Variants in SCNN1B observed in about 807,000 individuals in gnomAD.
SCNN1B encodes the protein sodium channel epithelial 1 subunit beta.
A neutral mutation model predicts 65.3 loss-of-function variants in SCNN1B; 46 were observed. The ratio of observed to expected loss-of-function variants is 0.70; its 90% CI spans 0.56 to 0.90. The LOEUF is 0.90. Ranked by LOEUF, SCNN1B falls within the 40% of genes least tolerant of loss-of-function variation. The pLI, the probability that SCNN1B is intolerant of heterozygous loss-of-function variation, is 0.00. For synonymous variants in SCNN1B, 349 were observed against 330.6 expected (o/e 1.06, Z -0.60); for missense variants, 751 against 830.5 (o/e 0.90, Z 1.18).
intron 2 of SCNN1B, among the ~76,000 whole-genome samples, chr16:23,292,296 C>T (rs1166184717): frequency 1.3e-5 from 2 of 151,208 alleles, no homozygotes; most frequent in Non-Finnish European, 2.9e-5. Context: ...AGGGTTCATG[C>T]CATTCTCCCA....
rs776021299 is a variant in SCNN1B at position 23,380,486 on chromosome 16, C to T, written c.1608C>T (p.Cys536=). 5 of 1,614,244 alleles carry T rather than the reference C, an allele frequency of 3.1e-6. No homozygotes were observed. Among genetic ancestry groups the T allele is most frequent in the Non-Finnish European group, 4.2e-6 (5 of 1,180,032 alleles). ...TCTGGATGGGGGGCTCTGTGCTGTG[C>T]CTCATCGAGTTTGGGGAGATCATCA... is the stretch of plus-strand genomic sequence containing the variant. ...FGFWMGGSVL[C]LIEFGEIIID... Residue 536 remains cysteine (C), a synonymous_variant, in exon 13 of 13, where the codon TGC becomes TGT. Coordinates refer to ENST00000343070, the MANE Select transcript of SCNN1B (RefSeq NM_000336.3). This position sits in a 1 kb window ranked among gnomAD's most constrained non-coding sequence, Gnocchi z 5.4.
intron 4 of SCNN1B, 117 bp from the exon 5 acceptor site, chr16:23,367,739 G>T: frequency 3.7e-6 from 3 of 818,474 alleles, no homozygotes; most frequent in Non-Finnish European, 6.4e-6. Context: ...ATGACCTGTT[G>T]CTCGCCTCTC....
At chr16:23,374,288 AAG>A (rs1555489709) in intron 7 of SCNN1B, among the ~76,000 whole-genome samples, 6 of 145,032 alleles carry the variant, frequency 4.1e-5, no homozygotes, top group African/African-American at 1.6e-4. Flanking sequence ...AAAAAAAAAA[AAG>A]AGGCCGGGCG....
chr16:23,367,788 C>A, intron 4 of SCNN1B, 68 bp from the exon 5 acceptor site: 1 of 1,211,842 alleles, frequency 8.3e-7, no homozygotes, highest in Non-Finnish European at 1.2e-6. Flanking sequence ...GAAAGGTGGA[C>A]GGCAGACAGT....
At chr16:23,324,838 C>T (rs964745667) in intron 1 of SCNN1B, among the ~76,000 whole-genome samples, 5 of 152,204 alleles carry the variant, frequency 3.3e-5, no homozygotes, top group Non-Finnish European at 7.4e-5. Context: ...ACCACCCATC[C>T]TGGGCAAGTG....
At chr16:23,323,601 C>T (rs1961633276) in intron 1 of SCNN1B, 1 of 702,866 alleles carries the variant, frequency 1.4e-6, no homozygotes, top group African/African-American at 1.7e-5. Context: ...CACAAGGTCA[C>T]ACAGTGAGTA....
At chr16:23,343,640 AAAGAAAGAAAAAAAG>A (rs1962122787) in intron 1 of SCNN1B, among the ~76,000 whole-genome samples, 2 of 133,740 alleles carry the variant, frequency 1.5e-5, no homozygotes, top group Non-Finnish European at 3.2e-5. Context: ...AGAAAGAAAG[AAAGAAAGAAAAAAAG>A]AAAGGAAGGA....
intron 1 of SCNN1B, among the ~76,000 whole-genome samples, chr16:23,310,761 T>A (rs531414390): frequency 2.0e-4 from 30 of 152,336 alleles, no homozygotes; most frequent in African/African-American, 7.2e-4. Flanking sequence ...ATTTGGTTGA[T>A]CACAAGAAAA....
chr16:23,363,616 C>T (rs1361477396), intron 4 of SCNN1B, among the ~76,000 whole-genome samples: 2 of 152,132 alleles, frequency 1.3e-5, no homozygotes, highest in African/African-American at 2.4e-5. Context: ...AGTTCAAGAC[C>T]AGCCTGGGCA....
At chr16:23,300,230 T>C (rs1961054452), upstream of SCNN1B, among the ~76,000 whole-genome samples, 1 of 151,968 alleles carries the variant, frequency 6.6e-6, no homozygotes, top group African/African-American at 2.4e-5. Flanking sequence ...TTAGGAGAAA[T>C]ACCTAATGTA....
At chr16:23,309,715 T>C (rs1233081559) in intron 1 of SCNN1B, among the ~76,000 whole-genome samples, 1 of 152,156 alleles carries the variant, frequency 6.6e-6, no homozygotes, top group Admixed American at 6.5e-5. Context: ...AGATTAAGAG[T>C]GGGTCTGCCT....
chr16:23,317,196 T>C (rs1027537296), intron 1 of SCNN1B, among the ~76,000 whole-genome samples: 1 of 152,248 alleles, frequency 6.6e-6, no homozygotes, highest in African/African-American at 2.4e-5. Flanking sequence ...AAAATGGTGA[T>C]GATCACAGTT....
At chr16:23,374,536 T>C (rs1267730387) in intron 7 of SCNN1B, among the ~76,000 whole-genome samples, 5 of 124,452 alleles carry the variant, frequency 4.0e-5, no homozygotes, top group Admixed American at 1.1e-4. Flanking sequence ...ATCATGCCAC[T>C]GCACTACAGC....
intron 4 of SCNN1B, among the ~76,000 whole-genome samples, chr16:23,367,210 G>A (rs930857978): frequency 3.9e-5 from 6 of 152,192 alleles, no homozygotes; most frequent in Non-Finnish European, 5.9e-5. Context: ...CATAGGTTCC[G>A]GGGCTGAGGA....
rs1442534375 is a variant in SCNN1B at position 23,352,781 on chromosome 16, C to T, written c.312-20C>T. ...ACAGATATGCATTCCTTCCCCCTAA[C>T]CAGCCCTCTCCCCATCCAGGTATTC... On this transcript the variant is annotated intron_variant, in intron 2 of 12. Coordinates refer to ENST00000343070, the MANE Select transcript of SCNN1B (RefSeq NM_000336.3). The T allele has an allele frequency of 1.9e-6, 3 of 1,614,044 alleles. No homozygotes were observed. The South Asian group carries it at 3.3e-5, about 18-fold the overall frequency.
At chr16:23,352,406 G>A (rs1962328060) in intron 2 of SCNN1B, among the ~76,000 whole-genome samples, 1 of 152,216 alleles carries the variant, frequency 6.6e-6, no homozygotes, top group African/African-American at 2.4e-5. Flanking sequence ...TAACCCCCAT[G>A]TGTCGAGGGA....
At chr16:23,279,984 G>A (rs968486883) in intron 1 of SCNN1B, among the ~76,000 whole-genome samples, 20 of 152,276 alleles carry the variant, frequency 1.3e-4, no homozygotes, top group African/African-American at 4.8e-4. Flanking sequence ...CAGAAGGAAT[G>A]CACCTGGTTT....
At chr16:23,357,028 C>A (rs915093312) in intron 4 of SCNN1B, among the ~76,000 whole-genome samples, 1 of 152,220 alleles carries the variant, frequency 6.6e-6, no homozygotes, top group African/African-American at 2.4e-5. Flanking sequence ...TATGCCACAC[C>A]CACCTCGGCC....
In SCNN1B at chr16:23,376,556, G is replaced by T. The variant is rs115012236; in HGVS notation, c.1271-609G>T. ...CACAGCAGGAAGAAGAGCCCTGCTG[G>T]GCTCACAACCAATTGGAGCTGGGGC... On this transcript the variant is annotated intron_variant, in intron 8 of 12. Transcript: ENST00000343070. Among the ~76,000 whole-genome samples, 1,015 of 151,976 alleles carry T rather than the reference G, an allele frequency of 6.7e-3. 12 individuals carry two copies. The highest frequency in any genetic ancestry group is 0.023 in the African/African-American group (966 of 41,432).
Sources: gnomAD v4.1 joint callset for allele counts (sites outside exome capture counted in the v4.1 genomes callset) on GRCh38, gnomAD v4.1.1 for gene constraint, Gnocchi (gnomAD v3.1) non-coding constraint, MANE v1.5 for transcripts, NCBI Gene and HGNC (gene_info 2026-07-23, HGNC 2026-07-21) for gene names.